Variants in CPQ observed in about 807,000 individuals in gnomAD.
CPQ encodes carboxypeptidase Q.
A neutral mutation model predicts 45.7 loss-of-function variants in CPQ; 37 were observed. That is an observed-to-expected ratio of 0.81 (90% CI 0.62 to 1.07). The LOEUF (loss-of-function observed/expected upper bound fraction) is 1.07. Among genes scored for constraint, CPQ ranks in the 50% least tolerant of loss-of-function variants. CPQ has a pLI of 0.00. For synonymous variants in CPQ, 186 were observed against 205.8 expected (o/e 0.90, Z 0.82); for missense variants, 537 against 572.9 (o/e 0.94, Z 0.64).
At chr8:96,922,022 C>T (rs1050034380) in intron 4 of CPQ, among the ~76,000 whole-genome samples, 15 of 152,178 alleles carry the variant, frequency 9.9e-5, no homozygotes, top group South Asian at 2.1e-4. Flanking sequence ...AAAAATTTTA[C>T]TTTAAGATAT....
rs527294941 is a variant in CPQ at position 97,080,783 on chromosome 8, T to A, written c.1255+14573T>A. 1.8e-4 allele frequency among the ~76,000 whole-genome samples: 27 copies of A among 152,304 alleles called. No individual in the cohort carries two copies. In the South Asian group the frequency reaches 5.6e-3, roughly 32 times the overall value. On this transcript the variant is annotated intron_variant, in intron 7 of 7. Transcript: ENST00000220763. ...TGTCTTAATTCTTTCCAGTTCATAA[T>A]CTATAAATCAAATATGGTCGAGCTC...
At chr8:96,801,657 A>C (rs945078694) in intron 2 of CPQ, among the ~76,000 whole-genome samples, 1 of 152,144 alleles carries the variant, frequency 6.6e-6, no homozygotes, top group East Asian at 1.9e-4. Context: ...AAAATCTTCT[A>C]GGAGGAGGTT....
At chr8:97,040,270 A>G (rs1464409038) in intron 6 of CPQ, among the ~76,000 whole-genome samples, 1 of 152,206 alleles carries the variant, frequency 6.6e-6, no homozygotes, top group African/African-American at 2.4e-5. Context: ...TGTTTTCTGC[A>G]TAAATGTCTT....
intron 1 of CPQ, among the ~76,000 whole-genome samples, chr8:96,653,080 C>T (rs910865284): frequency 2.6e-5 from 4 of 152,142 alleles, no homozygotes; most frequent in African/African-American, 9.7e-5. Context: ...TACAGGTGTG[C>T]CACTGGGCCT....
At chr8:96,696,692 A>G in intron 1 of CPQ, among the ~76,000 whole-genome samples, 1 of 152,094 alleles carries the variant, frequency 6.6e-6, no homozygotes. Flanking sequence ...AGACATTACA[A>G]CCAATACCAC....
chr8:96,851,014 C>A (rs1483184320), intron 3 of CPQ, among the ~76,000 whole-genome samples: 1 of 152,112 alleles, frequency 6.6e-6, no homozygotes, highest in South Asian at 2.1e-4. Context: ...GTTCTAGGAA[C>A]CTTTTAATTC....
intron 6 of CPQ, among the ~76,000 whole-genome samples, chr8:97,059,450 T>A (rs777569440): frequency 6.6e-6 from 1 of 152,188 alleles, no homozygotes; most frequent in South Asian, 2.1e-4. Context: ...TAATTTATGT[T>A]ATCATCCCTT....
intron 1 of CPQ, among the ~76,000 whole-genome samples, chr8:96,762,914 G>A (rs947616818): frequency 1.3e-5 from 2 of 152,146 alleles, no homozygotes; most frequent in Non-Finnish European, 2.9e-5. Flanking sequence ...TGCTAGGACT[G>A]CCATAAAGCA....
intron 5 of CPQ, among the ~76,000 whole-genome samples, chr8:97,000,023 G>T: frequency 1.4e-5 from 2 of 146,262 alleles, no homozygotes. Context: ...TATGATTGTT[G>T]GCTTCATGTA....
chr8:97,053,043 C>G (rs1810388369), intron 6 of CPQ, among the ~76,000 whole-genome samples: 1 of 152,030 alleles, frequency 6.6e-6, no homozygotes, highest in African/African-American at 2.4e-5. Flanking sequence ...CATGAGTAAC[C>G]ACATCATCAT....
intron 5 of CPQ, among the ~76,000 whole-genome samples, chr8:96,992,465 C>T (rs879906537): frequency 1.3e-5 from 2 of 151,992 alleles, no homozygotes; most frequent in Admixed American, 6.6e-5. Flanking sequence ...GTGAAGAATA[C>T]CTAGATGTAG....
At position 96,783,374 on chromosome 8, in the gene CPQ, T is replaced by A. The variant is rs776204342; in HGVS notation, c.-34-1490T>A. On this transcript the variant is annotated intron_variant, in intron 1 of 7. Transcript: ENST00000220763. ...TTCTGCAGGCTAAACAGTCCAAGAATGAGGGGCCACATCTGGTGAGGGTCT... is the reference window on the plus strand; with the variant it reads ...TTCTGCAGGCTAAACAGTCCAAGAAAGAGGGGCCACATCTGGTGAGGGTCT... 1.3e-5 allele frequency among the ~76,000 whole-genome samples: 2 copies of A among 151,920 alleles called. 1 individual carries two copies. The highest frequency in any genetic ancestry group is 2.9e-5 in the Non-Finnish European group (2 of 67,984).
At chr8:96,696,414 A>G (rs972631138) in intron 1 of CPQ, among the ~76,000 whole-genome samples, 4 of 152,124 alleles carry the variant, frequency 2.6e-5, no homozygotes, top group Non-Finnish European at 5.9e-5. Context: ...CACATTGTGC[A>G]CATGTACCCT....
At chr8:96,917,878 G>T (rs146051059) in intron 4 of CPQ, among the ~76,000 whole-genome samples, 4 of 152,166 alleles carry the variant, frequency 2.6e-5, no homozygotes, top group South Asian at 2.1e-4. Context: ...TCATTGTCCA[G>T]TTCCAGCATA....
At chr8:97,072,625 A>C (rs984089265) in intron 7 of CPQ, among the ~76,000 whole-genome samples, 3 of 152,172 alleles carry the variant, frequency 2.0e-5, no homozygotes, top group Non-Finnish European at 2.9e-5. Context: ...TCTCTCAGTC[A>C]TACAAGTCTA....
chr8:97,078,167 G>C (rs1434899533), intron 7 of CPQ, among the ~76,000 whole-genome samples: 2 of 152,152 alleles, frequency 1.3e-5, no homozygotes, highest in African/African-American at 4.8e-5. Flanking sequence ...TCTTTAAACT[G>C]GTTCTGAGTC....
At chr8:97,052,637 A>C (rs954882091) in intron 6 of CPQ, among the ~76,000 whole-genome samples, 1 of 152,156 alleles carries the variant, frequency 6.6e-6, no homozygotes, top group African/African-American at 2.4e-5. Flanking sequence ...AACATATGGG[A>C]GTCTCATCTT....
intron 6 of CPQ, among the ~76,000 whole-genome samples, chr8:97,056,111 C>T (rs34351002): frequency 0.11 from 17,382 of 151,776 alleles, 2,276 homozygotes; most frequent in African/African-American, 0.32. Flanking sequence ...AACACACACA[C>T]ACACACACAC....
chr8:96,865,825 C>T (rs774490062), intron 3 of CPQ, among the ~76,000 whole-genome samples: 3 of 152,054 alleles, frequency 2.0e-5, no homozygotes, highest in Non-Finnish European at 4.4e-5. Flanking sequence ...AACTTTTTCA[C>T]TCCATTCACT....
Sources: gnomAD v4.1 joint callset for allele counts (sites outside exome capture counted in the v4.1 genomes callset) on GRCh38, gnomAD v4.1.1 for gene constraint, MANE v1.5 for transcripts, NCBI Gene and HGNC (gene_info 2026-07-23, HGNC 2026-07-21) for gene names.